Variants in AOX1 observed in about 807,000 individuals in gnomAD.
AOX1 encodes aldehyde oxidase.
In AOX1, 153 loss-of-function variants were observed where a neutral mutation model predicts 169.5. The ratio of observed to expected loss-of-function variants is 0.90; its 90% CI spans 0.79 to 1.03. The LOEUF (loss-of-function observed/expected upper bound fraction) is 1.03. Among genes scored for constraint, AOX1 ranks in the 50% least tolerant of loss-of-function variants. The pLI is 0.00. For synonymous variants in AOX1, 562 were observed against 581.9 expected, an observed-to-expected ratio of 0.97 and a Z score of 0.49; for missense variants, 1,656 against 1,663.9, an observed-to-expected ratio of 1.00 and a Z score of 0.08.
intron 16 of AOX1, among the ~76,000 whole-genome samples, chr2:200,617,399 A>T (rs141762366): frequency 6.7e-6 from 1 of 150,308 alleles, no homozygotes; most frequent in African/African-American, 2.4e-5. Flanking sequence ...TCTTCCTTCC[A>T]TAGTATCTTT....
At chr2:200,636,585 C>CA (rs761256680) in intron 21 of AOX1, among the ~76,000 whole-genome samples, 7 of 151,990 alleles carry the variant, frequency 4.6e-5, no homozygotes, top group Non-Finnish European at 8.8e-5. Flanking sequence ...GGGGAAAATA[C>CA]AAAAAAGTAT....
chr2:200,629,895 C>A (rs544211040), intron 20 of AOX1, among the ~76,000 whole-genome samples: 1 of 151,808 alleles, frequency 6.6e-6, no homozygotes, highest in South Asian at 2.1e-4. Flanking sequence ...TGCTGCATAC[C>A]CCATTGATAA....
At chr2:200,586,940 G>A (rs749082274) in intron 1 of AOX1, among the ~76,000 whole-genome samples, 3 of 152,124 alleles carry the variant, frequency 2.0e-5, no homozygotes, top group Non-Finnish European at 2.9e-5. Flanking sequence ...CAGTTTCATT[G>A]ACATTACTCT....
At chr2:200,680,043 T>TA (rs1574973316), downstream of AOX1, among the ~76,000 whole-genome samples, 1 of 152,176 alleles carries the variant, frequency 6.6e-6, no homozygotes, top group East Asian at 1.9e-4. Context: ...CGGGTCACCA[T>TA]ACTCCAGCCT....
intron 29 of AOX1, 72 bp downstream of exon 29, chr2:200,660,141 A>G (rs2035792163): frequency 8.0e-7 from 1 of 1,257,592 alleles, no homozygotes; most frequent in Admixed American, 1.8e-5. Flanking sequence ...AGCAATGTGC[A>G]TTAATTGAAA....
chr2:200,653,635 A>G (rs1017737920), intron 26 of AOX1, among the ~76,000 whole-genome samples: 1 of 152,226 alleles, frequency 6.6e-6, no homozygotes, highest in Non-Finnish European at 1.5e-5. Flanking sequence ...GTCCCTGCCC[A>G]GCAGCTGAGG....
chr2:200,626,239 T>G (rs1212055999), intron 19 of AOX1, among the ~76,000 whole-genome samples: 1 of 152,132 alleles, frequency 6.6e-6, no homozygotes, highest in African/African-American at 2.4e-5. Flanking sequence ...CAACAAACAC[T>G]CTGTCAAAGA....
chr2:200,657,190 A>ATTTTTTT (rs5837752), intron 27 of AOX1, among the ~76,000 whole-genome samples: 20 of 62,866 alleles, frequency 3.2e-4, no homozygotes, highest in East Asian at 9.2e-4. Flanking sequence ...ATATATATAT[A>ATTTTTTT]TTTTTTTTTT....
At chr2:200,658,123 C>G (rs533592076) in intron 27 of AOX1, among the ~76,000 whole-genome samples, 1 of 152,282 alleles carries the variant, frequency 6.6e-6, no homozygotes, top group Admixed American at 6.5e-5. Flanking sequence ...TTGATTGTTT[C>G]TTAAAATAGA....
rs749253693 is a variant in AOX1 at position 200,620,657 on chromosome 2, G to A, written c.1712G>A (p.Gly571Asp). The A allele has an allele frequency of 1.3e-6, 2 of 1,541,694 alleles. No individual in the cohort carries two copies. Among genetic ancestry groups the A allele is most frequent in the Admixed American group, 2.4e-5 (1 of 42,366 alleles). The change falls in exon 17 of 35, where the codon GGC (glycine) becomes GAC (aspartate). Residue 571 changes from glycine to aspartate, a missense_variant. Transcript: ENST00000374700. ...TGGTTATTTATTAAACAGAATATAG[G>A]CCCAAAGCAGCATCCTGAAGACCCA... ...HCSTLKYQNI[G>D]PKQHPEDPIG...
chr2:200,604,871 G>C, intron 9 of AOX1, 31 bp downstream of exon 9: 1 of 1,071,844 alleles, frequency 9.3e-7, no homozygotes. Flanking sequence ...TTTTTATAGG[G>C]AAATTGAGAA....
intron 31 of AOX1, among the ~76,000 whole-genome samples, chr2:200,663,790 A>G (rs1362002797): frequency 1.3e-5 from 2 of 152,234 alleles, no homozygotes; most frequent in Non-Finnish European, 2.9e-5. Context: ...AATCTCTTCC[A>G]AAATGTACCT....
intron 18 of AOX1, among the ~76,000 whole-genome samples, chr2:200,623,090 A>G (rs1239782088): frequency 6.6e-6 from 1 of 152,230 alleles, no homozygotes; most frequent in African/African-American, 2.4e-5. Flanking sequence ...AATAGTTCAA[A>G]GTCAATTTTT....
Position 200,616,013 on chromosome 2 carries a change from G to A in AOX1, c.1654G>A (p.Ala552Thr), listed in dbSNP as rs746660834. The change falls in exon 16 of 35, where the codon GCT becomes ACT. Residue 552 changes from alanine to threonine, a missense_variant. By Grantham distance (58) the Ala-to-Thr change is moderately conservative (BLOSUM62 0). Transcript: ENST00000374700. Reference protein sequence around the residue: ...YPSLADKYESALEDLHSKHHC... With the variant: ...YPSLADKYESTLEDLHSKHHC... ...TAGCCTTGCAGACAAGTATGAAAGT[G>A]CTTTAGAAGATCTTCATTCCAAACA... 1 of 1,613,958 alleles carries A rather than the reference G, an allele frequency of 6.2e-7. No homozygotes were observed. The highest frequency in any genetic ancestry group is 1.7e-5 in the Admixed American group (1 of 60,012).
chr2:200,586,962 C>T (rs2034049553), intron 1 of AOX1, among the ~76,000 whole-genome samples: 1 of 152,140 alleles, frequency 6.6e-6, no homozygotes, highest in African/African-American at 2.4e-5. Context: ...AAGGAGGAAA[C>T]TGAGGCAGGA....
At position 200,609,146 on chromosome 2, in the gene AOX1, G is replaced by T; in HGVS notation, c.1059+11G>T. The T allele has an allele frequency of 6.2e-7, 1 of 1,613,560 alleles. No individual in the cohort carries two copies. The highest frequency in any genetic ancestry group is 8.5e-7 in the Non-Finnish European group (1 of 1,179,828). On this transcript the variant is annotated intron_variant, in intron 11 of 34. Transcript: ENST00000374700. ...ATCAGGAACATGGCTGTATGTATCTGATGACAGTAAACTCTGGTATGCATC... is the reference window on the plus strand; with the variant it reads ...ATCAGGAACATGGCTGTATGTATCTTATGACAGTAAACTCTGGTATGCATC...
chr2:200,642,864 G>A, intron 25 of AOX1, 63 bp downstream of exon 25: 1 of 1,492,754 alleles, frequency 6.7e-7, no homozygotes, highest in Non-Finnish European at 9.1e-7. Context: ...GGGCCTTTGG[G>A]GGCCATTCAG....
At chr2:200,635,944 C>T (rs561159090) in intron 21 of AOX1, among the ~76,000 whole-genome samples, 13 of 152,080 alleles carry the variant, frequency 8.5e-5, no homozygotes, top group African/African-American at 3.1e-4. Context: ...TCTTCACTCT[C>T]CGTGGGATGT....
At chr2:200,606,722 G>C (rs573868578) in intron 10 of AOX1, among the ~76,000 whole-genome samples, 1 of 152,026 alleles carries the variant, frequency 6.6e-6, no homozygotes, top group Non-Finnish European at 1.5e-5. Context: ...GTATTCCTAG[G>C]TATTTTCTTC....
Sources: gnomAD v4.1 joint callset for allele counts (sites outside exome capture counted in the v4.1 genomes callset) on GRCh38, gnomAD v4.1.1 for gene constraint, MANE v1.5 for transcripts, NCBI Gene and HGNC (gene_info 2026-07-23, HGNC 2026-07-21) for gene names.